KCNC2: variants seen among roughly 807,000 people sequenced by gnomAD.
KCNC2 encodes voltage-gated potassium channel KCNC2.
In KCNC2, 21 loss-of-function variants were observed where a neutral mutation model predicts 44.5. That is an observed-to-expected ratio of 0.47 (90% confidence interval 0.33 to 0.68). The LOEUF (loss-of-function observed/expected upper bound fraction) is 0.68, where lower values mean the gene tolerates loss of function less well. Ranked by LOEUF, KCNC2 falls within the 30% of genes least tolerant of loss-of-function variation. KCNC2 has a pLI of 0.01. For missense variants in KCNC2, 589 were observed against 826.2 expected (o/e 0.71, Z 3.52); for synonymous variants, 391 against 339.1 (o/e 1.15, Z -1.68).
chr12:75,126,822 A>G (rs1482509919), intron 2 of KCNC2, among the ~76,000 whole-genome samples: 1 of 152,140 alleles, frequency 6.6e-6, no homozygotes, highest in Non-Finnish European at 1.5e-5. Flanking sequence ...AAAATTAGAA[A>G]CACGCCTTTA....
intron 2 of KCNC2, among the ~76,000 whole-genome samples, chr12:75,159,684 T>C (rs1025249823): frequency 6.6e-6 from 1 of 151,844 alleles, no homozygotes; most frequent in African/African-American, 2.4e-5. Flanking sequence ...AAAAGCAGCT[T>C]ACATATATGG....
chr12:75,092,994 G>C (rs1885614951), intron 2 of KCNC2, among the ~76,000 whole-genome samples: 1 of 148,256 alleles, frequency 6.7e-6, no homozygotes, highest in Non-Finnish European at 1.5e-5. Flanking sequence ...TCTAGTGTGT[G>C]ATTGTGATTT....
rs1283805120 is a variant in KCNC2, at chr12:75,207,446, C to T, written c.538G>A (p.Gly180Ser). The stretch of plus-strand genomic sequence containing the variant: ...TTGGCCGCCAGGTCCTCGTCGTCGC[C>T]GGGGTCGCCGCCAATGAGGTCGGGG... ...ETPDLIGGDPGDDEDLAAKRL... is the reference protein window; with the variant it reads ...ETPDLIGGDPSDDEDLAAKRL... Residue 180 changes from glycine to serine, a missense_variant, in exon 2 of 5, where the codon GGC becomes AGC. By Grantham distance (56) the Gly-to-Ser change is moderately conservative. Around this residue, in one of 7 missense-constraint regions of KCNC2, gnomAD observed 97 missense variants for 73.3 expected, o/e 1.32. Transcript: ENST00000549446. This position sits in a 1 kb window ranked among gnomAD's most constrained non-coding sequence, Gnocchi z 4.1. 3.7e-6 allele frequency: 6 copies of T among 1,609,734 alleles called. No individual in the cohort carries two copies. The highest frequency in any genetic ancestry group is 1.1e-5 in the South Asian group (1 of 90,596).
At chr12:75,142,214 C>G (rs1889705196) in intron 2 of KCNC2, among the ~76,000 whole-genome samples, 1 of 152,134 alleles carries the variant, frequency 6.6e-6, no homozygotes, top group Non-Finnish European at 1.5e-5. Context: ...CTTTAAATGG[C>G]TAACCTAAGA....
intron 2 of KCNC2, 64 bp from the exon 3 acceptor site, chr12:75,051,381 A>T: frequency 1.1e-6 from 1 of 910,018 alleles, no homozygotes; most frequent in Non-Finnish European, 1.6e-6. Context: ...GTTGATTCTA[A>T]TCTAAAAGCA....
intron 2 of KCNC2, among the ~76,000 whole-genome samples, chr12:75,101,172 T>C (rs929685796): frequency 1.3e-5 from 2 of 152,092 alleles, no homozygotes; most frequent in African/African-American, 4.8e-5. Context: ...ACAAGCTTTT[T>C]AACTAAGGAG....
At chr12:75,191,253 A>C (rs530256055) in intron 2 of KCNC2, among the ~76,000 whole-genome samples, 2 of 151,996 alleles carry the variant, frequency 1.3e-5, no homozygotes, top group South Asian at 4.1e-4. Context: ...ATTTAAAAAA[A>C]ATCCTACGTA....
intron 2 of KCNC2, among the ~76,000 whole-genome samples, chr12:75,056,701 G>A (rs1429459375): frequency 6.6e-6 from 1 of 151,888 alleles, no homozygotes; most frequent in African/African-American, 2.4e-5. Flanking sequence ...TAGACAAATA[G>A]AATGATATTC....
intron 2 of KCNC2, among the ~76,000 whole-genome samples, chr12:75,156,774 A>G (rs1890788299): frequency 6.6e-6 from 1 of 151,802 alleles, no homozygotes. Context: ...GCAGCCTACC[A>G]TTTCTATAAT....
intron 2 of KCNC2, among the ~76,000 whole-genome samples, chr12:75,126,339 T>A (rs895314105): frequency 6.6e-6 from 1 of 152,160 alleles, no homozygotes; most frequent in African/African-American, 2.4e-5. Flanking sequence ...AACATTGAAA[T>A]CTCTTTATTC....
At chr12:75,104,017 G>A (rs559274417) in intron 2 of KCNC2, among the ~76,000 whole-genome samples, 5 of 152,114 alleles carry the variant, frequency 3.3e-5, no homozygotes, top group South Asian at 4.2e-4. Context: ...CTGATGATGC[G>A]TCAGAAGGAG....
intron 2 of KCNC2, among the ~76,000 whole-genome samples, chr12:75,150,613 T>C (rs2137460913): frequency 6.6e-6 from 1 of 152,090 alleles, no homozygotes; most frequent in East Asian, 1.9e-4. Context: ...AGCTATCCAT[T>C]GCTAGACTGT....
chr12:75,178,118 AC>A (rs1290131536), intron 2 of KCNC2, among the ~76,000 whole-genome samples: 3 of 152,014 alleles, frequency 2.0e-5, no homozygotes, highest in African/African-American at 4.8e-5. Context: ...CCAGGAAAAT[AC>A]TGAAGGCATG....
chr12:75,088,233 AT>A (rs1885187866), intron 2 of KCNC2, among the ~76,000 whole-genome samples: 1 of 152,090 alleles, frequency 6.6e-6, no homozygotes, highest in Non-Finnish European at 1.5e-5. Context: ...GATTTACCAC[AT>A]TTTACAAAGA....
Position 75,050,946 on chromosome 12 carries a change from C to T in KCNC2, c.1059G>A (p.Val353=), listed in dbSNP as rs1349301977. 1.9e-6 allele frequency: 3 copies of T among 1,613,618 alleles called. No individual in the cohort carries two copies. The highest frequency in any genetic ancestry group is 2.5e-6 in the Non-Finnish European group (3 of 1,179,888). Residue 353 remains valine, a synonymous_variant, in exon 3 of 5, where the codon GTG becomes GTA. Transcript: ENST00000549446. ...TGAGCTTGAAAATTCTCAGGATCCTCACAAACCTTACCACCCTGAGGAAGC... is the reference window on the plus strand; with the variant it reads ...TGAGCTTGAAAATTCTCAGGATCCTTACAAACCTTACCACCCTGAGGAAGC... The part of the protein sequence containing the change: ...VLGFLRVVRF[V]RILRIFKLTR...
At chr12:75,192,395 C>T (rs2030372777) in intron 2 of KCNC2, among the ~76,000 whole-genome samples, 1 of 152,150 alleles carries the variant, frequency 6.6e-6, no homozygotes, top group South Asian at 2.1e-4. Flanking sequence ...GGCGATGTTT[C>T]TGTGTAAAAA....
At chr12:75,116,635 T>C (rs11180370) in intron 2 of KCNC2, among the ~76,000 whole-genome samples, 9,218 of 152,254 alleles carry the variant, frequency 0.061, 381 homozygotes, top group Non-Finnish European at 0.095. Flanking sequence ...TATTGTATCT[T>C]GAAATTCAGA....
At chr12:75,204,904 T>G (rs1438994445) in intron 2 of KCNC2, among the ~76,000 whole-genome samples, 2 of 152,156 alleles carry the variant, frequency 1.3e-5, no homozygotes, top group Admixed American at 1.3e-4. Flanking sequence ...AAACCCTGAC[T>G]GGTCAATAAA....
intron 4 of KCNC2, among the ~76,000 whole-genome samples, chr12:75,045,950 G>A (rs532005949): frequency 1.3e-5 from 2 of 151,582 alleles, no homozygotes; most frequent in South Asian, 2.1e-4. Context: ...ATAAATGAAA[G>A]GATTATATAG....
Sources: gnomAD v4.1 joint callset for allele counts (sites outside exome capture counted in the v4.1 genomes callset) on GRCh38, gnomAD v4.1.1 for gene constraint, gnomAD v4.1.1 regional missense constraint, Gnocchi (gnomAD v3.1) non-coding constraint, MANE v1.5 for transcripts, NCBI Gene and HGNC (gene_info 2026-07-23, HGNC 2026-07-21) for gene names.